PTPRG: variants seen among roughly 807,000 people sequenced by gnomAD.
PTPRG encodes the protein protein tyrosine phosphatase receptor type G.
A neutral mutation model predicts 165.3 loss-of-function variants in PTPRG; 102 were observed. That is an observed-to-expected ratio of 0.62 (90% CI 0.53 to 0.73). PTPRG has a LOEUF of 0.73. PTPRG is among the 30% of genes least tolerant of loss of function. The pLI, the probability that PTPRG is intolerant of heterozygous loss-of-function variation, is 0.00. For missense variants in PTPRG, 1,866 were observed against 1,861.4 expected (o/e 1.00, Z -0.05); for synonymous variants, 675 against 669.5 (o/e 1.01, Z -0.13).
intron 4 of PTPRG, among the ~76,000 whole-genome samples, chr3:62,021,410 A>G (rs1200616223): frequency 1.3e-5 from 2 of 152,260 alleles, no homozygotes; most frequent in Non-Finnish European, 2.9e-5. Context: ...ATTTGAGAAT[A>G]TAAGCCAACA....
intron 2 of PTPRG, among the ~76,000 whole-genome samples, chr3:61,910,331 A>C (rs1032665449): frequency 6.6e-6 from 1 of 152,196 alleles, no homozygotes; most frequent in African/African-American, 2.4e-5. Context: ...GGATGACTCT[A>C]CTGTTGCTCT....
chr3:61,741,390 A>G (rs1335617131), intron 1 of PTPRG, among the ~76,000 whole-genome samples: 3 of 152,148 alleles, frequency 2.0e-5, no homozygotes, highest in African/African-American at 7.2e-5. Flanking sequence ...CCACCCACCC[A>G]TCACCCTAAG....
At chr3:62,221,663 C>T (rs1026216963) in intron 13 of PTPRG, among the ~76,000 whole-genome samples, 1 of 152,146 alleles carries the variant, frequency 6.6e-6, no homozygotes, top group Admixed American at 6.5e-5. Context: ...ATAAGTAGAG[C>T]ATTGAGGCAG....
At chr3:61,986,906 CTTTA>C in intron 2 of PTPRG, among the ~76,000 whole-genome samples, 1 of 141,912 alleles carries the variant, frequency 7.0e-6, no homozygotes. Context: ...TAACCATAGT[CTTTA>C]TTTAGTATCT....
rs543901858 is a variant in PTPRG, at chr3:61,815,501, A to G, written c.190+66519A>G. 2.6e-5 allele frequency among the ~76,000 whole-genome samples: 4 copies of G among 152,308 alleles called. No individual in the cohort carries two copies. The South Asian group carries it at 8.3e-4, about 32-fold the overall frequency. On this transcript the variant is annotated intron_variant, in intron 2 of 29. Transcript: ENST00000474889. ...TTTCCAATGCAGTCTTAGAGATGGA[A>G]TACATTATAATGGGGATAACCATGT...
chr3:62,234,943 C>T (rs570176235), intron 14 of PTPRG, among the ~76,000 whole-genome samples: 3 of 150,874 alleles, frequency 2.0e-5, no homozygotes, highest in African/African-American at 4.9e-5. Flanking sequence ...ACTTCCCCCC[C>T]CCGAGATGGT....
At chr3:62,030,853 G>A (rs928031965) in intron 4 of PTPRG, among the ~76,000 whole-genome samples, 7 of 152,184 alleles carry the variant, frequency 4.6e-5, no homozygotes, top group African/African-American at 7.2e-5. Flanking sequence ...CTGGAATGGG[G>A]CAGGAACTTA....
At chr3:61,974,786 G>T (rs943627371) in intron 2 of PTPRG, among the ~76,000 whole-genome samples, 1 of 152,144 alleles carries the variant, frequency 6.6e-6, no homozygotes, top group Admixed American at 6.5e-5. Flanking sequence ...CAGGGTCAAA[G>T]ATCCCAGTAC....
At chr3:62,160,354 T>A (rs1704703833) in intron 7 of PTPRG, among the ~76,000 whole-genome samples, 1 of 152,252 alleles carries the variant, frequency 6.6e-6, no homozygotes, top group South Asian at 2.1e-4. Flanking sequence ...TACCTCTGGC[T>A]TGTGTGATAA....
chr3:61,790,392 G>A (rs1559613295), intron 2 of PTPRG, among the ~76,000 whole-genome samples: 1 of 152,074 alleles, frequency 6.6e-6, no homozygotes, highest in African/African-American at 2.4e-5. Context: ...ACTTGGAATT[G>A]AACAAAAATG....
chr3:62,280,009 T>G (rs1171644906), intron 26 of PTPRG, among the ~76,000 whole-genome samples: 2 of 151,978 alleles, frequency 1.3e-5, no homozygotes, highest in African/African-American at 4.8e-5. Flanking sequence ...ACAATTAACT[T>G]TCTCTTAGGC....
chr3:61,783,699 A>AG (rs936336030), intron 2 of PTPRG, among the ~76,000 whole-genome samples: 1 of 152,136 alleles, frequency 6.6e-6, no homozygotes, highest in African/African-American at 2.4e-5. Flanking sequence ...AGTATGAACA[A>AG]GGGGTGGAAG....
chr3:62,163,161 C>T (rs1704834796), intron 7 of PTPRG, among the ~76,000 whole-genome samples: 3 of 152,160 alleles, frequency 2.0e-5, no homozygotes, highest in Admixed American at 2.0e-4. Flanking sequence ...GATCCAATCA[C>T]CTCCCACCAG....
At chr3:62,235,048 ACAGT>A (rs1700997924) in intron 14 of PTPRG, among the ~76,000 whole-genome samples, 5 of 152,166 alleles carry the variant, frequency 3.3e-5, no homozygotes, top group Admixed American at 3.3e-4. Context: ...ACAGCAAAAT[ACAGT>A]CAATCAGTAT....
At chr3:62,042,304 ACC>A (rs1428751299) in intron 4 of PTPRG, among the ~76,000 whole-genome samples, 1 of 152,138 alleles carries the variant, frequency 6.6e-6, no homozygotes, top group Non-Finnish European at 1.5e-5. Flanking sequence ...CCTGGGCTTC[ACC>A]AGTAGGATCC....
At chr3:61,715,254 T>G (rs6772386) in intron 1 of PTPRG, among the ~76,000 whole-genome samples, 10,649 of 151,596 alleles carry the variant, frequency 0.07, 734 homozygotes, top group African/African-American at 0.18. Context: ...TGTCCTGTCT[T>G]TTTCCAGGCT....
At chr3:62,122,069 C>T (rs938567090) in intron 5 of PTPRG, among the ~76,000 whole-genome samples, 4 of 152,162 alleles carry the variant, frequency 2.6e-5, no homozygotes, top group African/African-American at 4.8e-5. Flanking sequence ...TGCCTCTTCC[C>T]AGAAAGGAAT....
rs964557705 is a variant in PTPRG, at chr3:62,004,336, A to G, written c.519+839A>G. ...AAACCTGCCCAATAGTCCTATAGAC[A>G]GTTGCTTTGGATAAACATAGAAATT... On this transcript the variant is annotated intron_variant, in intron 4 of 29. Transcript: ENST00000474889. Among the ~76,000 whole-genome samples, 3 of 152,212 alleles carry G rather than the reference A, an allele frequency of 2.0e-5. No individual in the cohort carries two copies. In the South Asian group the frequency reaches 6.2e-4, roughly 31 times the overall value.
rs1440855237 is a variant in PTPRG, at chr3:61,561,616, T to C, written c.-672T>C. On this transcript the variant is annotated 5_prime_UTR_variant, in exon 1 of 30. Coordinates refer to ENST00000474889, the MANE Select transcript of PTPRG (RefSeq NM_002841.4). ...GCATGGCCAGTTTCCAGCCCCGCGC[T>C]CTTCGTTCCTTCCCAGCCTGCGCCG... 2 of 152,862 alleles carry C rather than the reference T, an allele frequency of 1.3e-5. No homozygotes were observed. Among genetic ancestry groups the C allele is most frequent in the Non-Finnish European group, 2.9e-5 (2 of 68,680 alleles). 9.5% of individuals were successfully genotyped at this position (152,862 alleles called of 1,614,324 possible).
Sources: allele counts gnomAD v4.1 joint callset (sites outside exome capture counted in the v4.1 genomes callset), GRCh38; gene constraint gnomAD v4.1.1; transcripts MANE v1.5; gene names NCBI Gene and HGNC (gene_info 2026-07-23, HGNC 2026-07-21).